The following LHFPL2 variants were observed in gnomAD, a reference collection of about 807,000 sequenced individuals.
LHFPL2 encodes LHFPL tetraspan subfamily member 2 protein.
LHFPL2 carries 7 observed loss-of-function variants against 17.5 expected under a neutral mutation model. The observed-to-expected ratio is 0.40, with a 90% CI of 0.23 to 0.75. The LOEUF is 0.75. LHFPL2 is among the 30% of genes least tolerant of loss of function. LHFPL2 has a pLI of 0.37. For missense variants in LHFPL2, 241 were observed against 294.8 expected (o/e 0.82, Z 1.34); for synonymous variants, 134 against 116.2 (o/e 1.15, Z -0.99).
At chr5:78,612,507 A>C (rs181755539) in intron 2 of LHFPL2, among the ~76,000 whole-genome samples, 46 of 152,378 alleles carry the variant, frequency 3.0e-4, no homozygotes, top group Admixed American at 3.9e-4. Flanking sequence ...AGAGTTTGCT[A>C]TAAAAGTTCA....
At chr5:78,611,182 G>A (rs1744411483) in intron 2 of LHFPL2, among the ~76,000 whole-genome samples, 1 of 152,226 alleles carries the variant, frequency 6.6e-6, no homozygotes, top group Non-Finnish European at 1.5e-5. Context: ...GCCCTGCTGT[G>A]GGAGAGCTGA....
intron 4 of LHFPL2, among the ~76,000 whole-genome samples, chr5:78,502,973 G>A (rs1358816618): frequency 6.6e-6 from 1 of 152,170 alleles, no homozygotes; most frequent in East Asian, 1.9e-4. Context: ...TGTAGTTTTA[G>A]ATTTAATATG....
chr5:78,562,207 G>A (rs1368215746), intron 3 of LHFPL2, among the ~76,000 whole-genome samples: 1 of 152,130 alleles, frequency 6.6e-6, no homozygotes, highest in Non-Finnish European at 1.5e-5. Context: ...GGGAAGAAAG[G>A]ATTATCCATG....
At chr5:78,492,540 G>A (rs776665252) in intron 4 of LHFPL2, among the ~76,000 whole-genome samples, 10 of 152,182 alleles carry the variant, frequency 6.6e-5, no homozygotes, top group Non-Finnish European at 1.5e-4. Flanking sequence ...ACAGCGTGCT[G>A]AGCCCAGCCA....
At chr5:78,537,882 A>T (rs776826575) in intron 3 of LHFPL2, among the ~76,000 whole-genome samples, 9 of 152,196 alleles carry the variant, frequency 5.9e-5, no homozygotes, top group Non-Finnish European at 1.3e-4. Context: ...CATCTAGCTC[A>T]AATTCTGACT....
chr5:78,571,422 G>A (rs533846999), intron 2 of LHFPL2, among the ~76,000 whole-genome samples: 9 of 151,902 alleles, frequency 5.9e-5, no homozygotes, highest in Non-Finnish European at 8.8e-5. Context: ...TGCCCTCTCC[G>A]TGCCACCCTT....
At chr5:78,506,918 A>T (rs1754948626) in intron 4 of LHFPL2, among the ~76,000 whole-genome samples, 1 of 151,428 alleles carries the variant, frequency 6.6e-6, no homozygotes, top group African/African-American at 2.4e-5. Flanking sequence ...GGTAGGGAGG[A>T]AGTTAAAGCT....
At chr5:78,585,741 C>T (rs1743365194) in intron 2 of LHFPL2, among the ~76,000 whole-genome samples, 2 of 152,282 alleles carry the variant, frequency 1.3e-5, no homozygotes, top group Non-Finnish European at 1.5e-5. Context: ...GGCTATATGC[C>T]GGGCACTGTG....
At chr5:78,491,973 T>C (rs1042442012) in intron 4 of LHFPL2, among the ~76,000 whole-genome samples, 2 of 152,230 alleles carry the variant, frequency 1.3e-5, no homozygotes, top group East Asian at 1.9e-4. Flanking sequence ...AGATCTTAAA[T>C]GATTTAACCA....
chr5:78,506,777 C>T (rs1476197196), intron 4 of LHFPL2, among the ~76,000 whole-genome samples: 1 of 152,152 alleles, frequency 6.6e-6, no homozygotes, highest in Admixed American at 6.5e-5. Context: ...CAGTTCTTTC[C>T]TGTATTTCAG....
At chr5:78,645,584 ACACACAC>A (rs1463075039) in intron 1 of LHFPL2, among the ~76,000 whole-genome samples, 8 of 141,708 alleles carry the variant, frequency 5.6e-5, no homozygotes, top group East Asian at 2.1e-4. Flanking sequence ...ACACACACAC[ACACACAC>A]ATTTTTTTTG....
At chr5:78,538,153 C>T (rs564481692) in intron 3 of LHFPL2, among the ~76,000 whole-genome samples, 1 of 152,304 alleles carries the variant, frequency 6.6e-6, no homozygotes, top group Non-Finnish European at 1.5e-5. Flanking sequence ...GATTCACAGG[C>T]ACACGAAAGC....
intron 2 of LHFPL2, among the ~76,000 whole-genome samples, chr5:78,569,969 T>G (rs1444234880): frequency 6.6e-6 from 1 of 152,230 alleles, no homozygotes; most frequent in East Asian, 1.9e-4. Flanking sequence ...TATTCAATTA[T>G]ACTGCTTTTT....
intron 3 of LHFPL2, among the ~76,000 whole-genome samples, chr5:78,534,233 G>C (rs1174280884): frequency 6.6e-6 from 1 of 152,222 alleles, no homozygotes; most frequent in Non-Finnish European, 1.5e-5. Context: ...GAGAGAACAG[G>C]AGAGGCGGCC....
intron 4 of LHFPL2, among the ~76,000 whole-genome samples, chr5:78,496,753 A>G (rs952525100): frequency 6.6e-6 from 1 of 152,244 alleles, no homozygotes; most frequent in Non-Finnish European, 1.5e-5. Context: ...TATGAATTTA[A>G]GATCATCAGC....
chr5:78,544,499 C>T (rs973214205), intron 3 of LHFPL2, among the ~76,000 whole-genome samples: 2 of 152,172 alleles, frequency 1.3e-5, no homozygotes, highest in African/African-American at 4.8e-5. Flanking sequence ...CTAATAGTGG[C>T]TTTCTTATAG....
chr5:78,524,720 G>A (rs915183782), intron 3 of LHFPL2, among the ~76,000 whole-genome samples: 3 of 147,366 alleles, frequency 2.0e-5, no homozygotes, highest in Non-Finnish European at 4.5e-5. Context: ...CCAGTCTGGG[G>A]GACAGAATGT....
At chr5:78,578,774 C>T (rs1025605106) in intron 2 of LHFPL2, among the ~76,000 whole-genome samples, 1 of 152,172 alleles carries the variant, frequency 6.6e-6, no homozygotes, top group Non-Finnish European at 1.5e-5. Context: ...CATCTATGTA[C>T]AAGGTTTTTG....
chr5:78,557,986 T>C (rs572625326), intron 3 of LHFPL2, among the ~76,000 whole-genome samples: 3 of 152,302 alleles, frequency 2.0e-5, no homozygotes, highest in Admixed American at 1.3e-4. Flanking sequence ...ATTGAATTAA[T>C]CCAAGAGAAT....
Sources: gnomAD v4.1 joint callset for allele counts (sites outside exome capture counted in the v4.1 genomes callset) on GRCh38, gnomAD v4.1.1 for gene constraint, MANE v1.5 for transcripts, NCBI Gene and HGNC (gene_info 2026-07-23, HGNC 2026-07-21) for gene names.